IST1: variants seen among roughly 807,000 people sequenced by gnomAD.
IST1 encodes the protein IST1 factor associated with ESCRT-III.
Under a neutral mutation model 37.0 loss-of-function variants are expected in IST1, and 23 were observed. The ratio of observed to expected loss-of-function variants is 0.62; its 90% CI spans 0.45 to 0.88. IST1 has a LOEUF of 0.88. IST1 is among the 40% of genes least tolerant of loss of function. The pLI is 0.00. For missense variants in IST1, 488 were observed against 445.4 expected (o/e 1.10, Z -0.86); for synonymous variants, 180 against 161.7 (o/e 1.11, Z -0.86).
intron 1 of IST1, among the ~76,000 whole-genome samples, chr16:71,906,035 ACT>A (rs2037216259): frequency 7.3e-6 from 1 of 136,704 alleles, no homozygotes; most frequent in South Asian, 2.3e-4. Flanking sequence ...ACAGAATCTC[ACT>A]CTGTCACTGA....
chr16:71,901,726 A>C (rs2037113321), intron 1 of IST1, among the ~76,000 whole-genome samples: 1 of 152,192 alleles, frequency 6.6e-6, no homozygotes, highest in Non-Finnish European at 1.5e-5. Flanking sequence ...CTTAATTCTA[A>C]AACAAAACTA....
Position 71,929,957 on chromosome 16 carries a change from A to G in IST1, c.*2144A>G, listed in dbSNP as rs764086476. ...TAATAAAGGGAATATGATACTGTGC[A>G]TTATAAATTATGTCAGCCCGTCATC... On this transcript the variant is annotated 3_prime_UTR_variant, in exon 10 of 10. Coordinates refer to ENST00000378799, the MANE Select transcript of IST1 (RefSeq NM_001270975.2). 4.4e-6 allele frequency: 6 copies of G among 1,354,274 alleles called. No individual in the cohort carries two copies. The highest frequency in any genetic ancestry group is 3.0e-5 in the African/African-American group (2 of 67,526). The allele number at this position is 1,354,274 out of a possible 1,614,324, so 83.9% of individuals were successfully genotyped here. A position where few individuals can be genotyped will look rare whatever the true frequency, so the allele number is the denominator to read the frequency against.
At chr16:71,918,467 A>C (rs1597250715) in intron 4 of IST1, among the ~76,000 whole-genome samples, 2 of 138,652 alleles carry the variant, frequency 1.4e-5, no homozygotes, top group Admixed American at 1.5e-4. Context: ...CCTGGGCTGG[A>C]GTGCAGTGGT....
chr16:71,921,569 A>G (rs1346979934), intron 6 of IST1, 116 bp downstream of exon 6: 1 of 651,044 alleles, frequency 1.5e-6, no homozygotes. Context: ...GCCTTTGTCC[A>G]GTTAGTACCT....
At chr16:71,925,316 ATTT>A (rs772300347) in intron 9 of IST1, among the ~76,000 whole-genome samples, 2 of 78,806 alleles carry the variant, frequency 2.5e-5, no homozygotes, top group Non-Finnish European at 2.6e-5. Context: ...CCCCCAGCTG[ATTT>A]TTTTTTTTTT....
Position 71,921,360 on chromosome 16 carries a change from T to G in IST1, c.459T>G (p.Ser153Arg), listed in dbSNP as rs1450327388. Residue 153 changes from serine (S) to arginine (R), a missense_variant, in exon 6 of 10, where the codon AGT becomes AGG. This residue lies in a region of IST1 where 455 missense variants were observed against 386.2 expected (regional missense o/e 1.18). Transcript: ENST00000378799. ...TVNDRLMHKLSVEAPPKILVE... is the reference protein window; with the variant it reads ...TVNDRLMHKLRVEAPPKILVE... ...ACTTACAGCTAATGCACAAGCTGAG[T>G]GTGGAAGCCCCACCCAAAATCCTGG... 1 of 1,611,642 alleles carries G rather than the reference T, an allele frequency of 6.2e-7. No individual in the cohort carries two copies. Among genetic ancestry groups the G allele is most frequent in the South Asian group, 1.1e-5 (1 of 91,002 alleles).
Position 71,928,379 on chromosome 16 carries a change from T to A in IST1, c.*566T>A, listed in dbSNP as rs900509960. The stretch of plus-strand genomic sequence containing the variant: ...GCCCTCTCATTGGCATATACAGTAC[T>A]CCTCGCTGCAGGGCACTGTCCCACC... On this transcript the variant is annotated 3_prime_UTR_variant, in exon 10 of 10. Transcript: ENST00000378799. 1 of 155,626 alleles carries A rather than the reference T, an allele frequency of 6.4e-6. No homozygotes were observed. Among genetic ancestry groups the A allele is most frequent in the African/African-American group, 2.4e-5 (1 of 41,462 alleles). 9.6% of individuals were successfully genotyped at this position (155,626 alleles called of 1,614,324 possible). A position where few individuals can be genotyped will look rare whatever the true frequency, so the allele number is the denominator to read the frequency against.
At chr16:71,908,876 A>G (rs752096675) in intron 1 of IST1, among the ~76,000 whole-genome samples, 1 of 152,134 alleles carries the variant, frequency 6.6e-6, no homozygotes, top group Non-Finnish European at 1.5e-5. Flanking sequence ...GGTCTTCTTC[A>G]TCCATCTGCT....
At chr16:71,900,327 C>CTTTTTTTTTTTTTTTTTTTTTTTTT (rs201344260) in intron 1 of IST1, among the ~76,000 whole-genome samples, 1 of 100,470 alleles carries the variant, frequency 1.0e-5, no homozygotes, top group Admixed American at 1.2e-4. Flanking sequence ...CTTAGGAAGT[C>CTTTTTTTTTTTTTTTTTTTTTTTTT]TTTTTTTTTT....
rs561042456 is a variant in IST1 at position 71,928,934 on chromosome 16, CCTTT to C, written c.*1126_*1129del. On this transcript the variant is annotated 3_prime_UTR_variant, in exon 10 of 10. Coordinates refer to ENST00000378799, the MANE Select transcript of IST1 (RefSeq NM_001270975.2). ...ACCTGTACATACTTGTTTCAGGCAG[CCTTT>C]CTTTAATGTTTTCAGTTGGTTTGTA... 445 of 152,476 alleles carry C rather than the reference CCTTT, an allele frequency of 2.9e-3. 1 individual carries two copies. Among genetic ancestry groups the C allele is most frequent in the Non-Finnish European group, 5.0e-3 (339 of 68,192 alleles). 9.4% of individuals were successfully genotyped at this position (152,476 alleles called of 1,614,324 possible). A position where few individuals can be genotyped will look rare whatever the true frequency, so the allele number is the denominator to read the frequency against.
At chr16:71,901,598 T>C (rs2037110584) in intron 1 of IST1, among the ~76,000 whole-genome samples, 1 of 152,240 alleles carries the variant, frequency 6.6e-6, no homozygotes, top group Non-Finnish European at 1.5e-5. Flanking sequence ...TTACTACTTT[T>C]GTGGTTTACT....
At chr16:71,915,768 G>T (rs775043987) in intron 2 of IST1, 40 bp downstream of exon 2, 3 of 1,238,116 alleles carry the variant, frequency 2.4e-6, no homozygotes, top group Non-Finnish European at 3.6e-6. Flanking sequence ...TAAATCACTG[G>T]ATACTAGCAC....
At chr16:71,915,924 G>A (rs1326820476) in intron 2 of IST1, among the ~76,000 whole-genome samples, 196 bp downstream of exon 2, 1 of 151,634 alleles carries the variant, frequency 6.6e-6, no homozygotes, top group African/African-American at 2.4e-5. Context: ...TCCATCTCGT[G>A]GGTTCAAGTG....
chr16:71,895,629 C>T, intron 1 of IST1, 40 bp downstream of exon 1: 2 of 833,098 alleles, frequency 2.4e-6, no homozygotes, highest in Non-Finnish European at 2.9e-6. Context: ...CTCTGTCTTC[C>T]TCTTCTCTCT....
intron 9 of IST1, among the ~76,000 whole-genome samples, chr16:71,926,711 C>G (rs2037753057): frequency 6.6e-6 from 1 of 152,148 alleles, no homozygotes; most frequent in Admixed American, 6.5e-5. Flanking sequence ...CAACATTACT[C>G]TTACCTCAAA....
At chr16:71,924,689 TG>T in intron 8 of IST1, 79 bp from the exon 9 acceptor site, 2 of 1,121,348 alleles carry the variant, frequency 1.8e-6, no homozygotes, top group Non-Finnish European at 1.4e-6. Context: ...ACTTAACTTT[TG>T]GAAACACAGG....
chr16:71,898,037 A>G (rs909987092), intron 1 of IST1, among the ~76,000 whole-genome samples: 3 of 152,204 alleles, frequency 2.0e-5, no homozygotes, highest in East Asian at 3.9e-4. Flanking sequence ...GAAGGATTCT[A>G]TATTGCTCAG....
Position 71,920,835 on chromosome 16 carries a change from C to T in IST1, c.441+13C>T, listed in dbSNP as rs763383181. 9.5e-6 allele frequency: 15 copies of T among 1,586,594 alleles called. No individual in the cohort carries two copies. In the South Asian group the frequency reaches 1.3e-4, roughly 14 times the overall value. ...TGTGAATGACAGGGTAATGAACATA[C>T]TTGGTAAACATGAAGGCAGTGTGTG... is the stretch of plus-strand genomic sequence containing the variant. On this transcript the variant is annotated intron_variant, in intron 5 of 9. Coordinates refer to ENST00000378799, the MANE Select transcript of IST1 (RefSeq NM_001270975.2).
rs763383181 is a variant in IST1, at chr16:71,920,835, C to G, written c.441+13C>G. ...TGTGAATGACAGGGTAATGAACATA[C>G]TTGGTAAACATGAAGGCAGTGTGTG... On this transcript the variant is annotated intron_variant, in intron 5 of 9. Transcript: ENST00000378799. 6.3e-7 allele frequency: 1 copy of G among 1,586,712 alleles called. No individual in the cohort carries two copies. Among genetic ancestry groups the G allele is most frequent in the Non-Finnish European group, 8.7e-7 (1 of 1,155,112 alleles).
Sources: allele counts gnomAD v4.1 joint callset (sites outside exome capture counted in the v4.1 genomes callset), GRCh38; gene constraint gnomAD v4.1.1; regional missense constraint gnomAD v4.1.1; transcripts MANE v1.5; gene names NCBI Gene and HGNC (gene_info 2026-07-23, HGNC 2026-07-21).